AFDN: variants seen among roughly 807,000 people sequenced by gnomAD.
AFDN encodes afadin.
AFDN carries 68 observed loss-of-function variants against 216.6 expected under a neutral mutation model. The observed-to-expected ratio is 0.31, with a 90% CI of 0.26 to 0.38. AFDN has a LOEUF of 0.38. Ranked by LOEUF, AFDN falls within the 10% of genes least tolerant of loss-of-function variation. The pLI is 1.00. For synonymous variants in AFDN, 868 were observed against 853.7 expected (o/e 1.02, Z -0.29); for missense variants, 2,136 against 2,342.0 (o/e 0.91, Z 1.82).
intron 24 of AFDN, 50 bp from the exon 25 acceptor site, chr6:167,943,352 C>T (rs1184381908): frequency 1.9e-6 from 3 of 1,558,162 alleles, no homozygotes; most frequent in Admixed American, 1.7e-5. Flanking sequence ...TCCTCCCGCT[C>T]TCTTTGCTCT....
intron 1 of AFDN, among the ~76,000 whole-genome samples, chr6:167,840,676 G>A (rs897508266): frequency 1.3e-5 from 2 of 152,382 alleles, no homozygotes; most frequent in East Asian, 1.9e-4. Context: ...AGTACTATAT[G>A]TGTGTCTGTG....
chr6:167,864,436 T>C, intron 1 of AFDN, 115 bp from the exon 2 acceptor site: 1 of 997,466 alleles, frequency 1.0e-6, no homozygotes, highest in South Asian at 1.3e-5. Flanking sequence ...GTCTCAGATG[T>C]TTATGATGAA....
intron 6 of AFDN, among the ~76,000 whole-genome samples, chr6:167,882,872 G>T (rs1786308066): frequency 6.6e-6 from 1 of 152,036 alleles, no homozygotes; most frequent in Non-Finnish European, 1.5e-5. Flanking sequence ...GATTCAAGTT[G>T]CATATAAAGG....
intron 1 of AFDN, among the ~76,000 whole-genome samples, chr6:167,861,303 T>C (rs1174302585): frequency 1.3e-5 from 2 of 152,232 alleles, no homozygotes; most frequent in African/African-American, 4.8e-5. Context: ...TCAAACTAAA[T>C]TAATATTTAT....
chr6:167,846,860 T>C (rs1301659622), intron 1 of AFDN, among the ~76,000 whole-genome samples: 3 of 152,054 alleles, frequency 2.0e-5, no homozygotes, highest in African/African-American at 7.2e-5. Context: ...AAATCAAATA[T>C]TGTTTAATAT....
rs1009565652 is a variant in AFDN, at chr6:167,947,756, A to G, written c.3554-97A>G. On this transcript the variant is annotated intron_variant, in intron 27 of 33. Transcript: ENST00000683244. ...ATCTCTGTGCTGGATACTCACTAGC[A>G]GTATGAAGATGAATGAGGTCTTTAA... The G allele has an allele frequency of 1.6e-5, 11 of 698,654 alleles. No individual in the cohort carries two copies. The Admixed American group carries it at 2.8e-4, about 18-fold the overall frequency. 43.3% of individuals were successfully genotyped at this position (698,654 alleles called of 1,614,324 possible). A position where few individuals can be genotyped will look rare whatever the true frequency, so the allele number is the denominator to read the frequency against.
chr6:167,866,099 ATC>A (rs1187005085), intron 2 of AFDN, among the ~76,000 whole-genome samples: 1 of 152,134 alleles, frequency 6.6e-6, no homozygotes, highest in Non-Finnish European at 1.5e-5. Context: ...GAAGAATAAA[ATC>A]TCTCTCACTT....
intron 23 of AFDN, among the ~76,000 whole-genome samples, chr6:167,938,330 A>G (rs991766344): frequency 3.3e-5 from 5 of 152,186 alleles, no homozygotes; most frequent in African/African-American, 4.8e-5. Flanking sequence ...GCTGTGAATA[A>G]CTTATGCAGG....
chr6:167,928,525 A>G (rs189849913), intron 23 of AFDN, among the ~76,000 whole-genome samples: 28 of 152,352 alleles, frequency 1.8e-4, no homozygotes, highest in Admixed American at 2.6e-4. Context: ...TCCAGAAGGA[A>G]GATTCTGCCA....
intron 1 of AFDN, among the ~76,000 whole-genome samples, chr6:167,863,269 A>G (rs1783795929): frequency 1.3e-5 from 2 of 152,238 alleles, no homozygotes. Context: ...AAAATTCAAA[A>G]TAGTTCTGGT....
At chr6:167,842,380 A>G (rs1480765393) in intron 1 of AFDN, among the ~76,000 whole-genome samples, 1 of 151,776 alleles carries the variant, frequency 6.6e-6, no homozygotes. Flanking sequence ...ATGTTCTTCT[A>G]CTCATTCTCT....
At chr6:167,865,405 G>A (rs545385948) in intron 2 of AFDN, among the ~76,000 whole-genome samples, 4 of 152,032 alleles carry the variant, frequency 2.6e-5, no homozygotes, top group African/African-American at 9.6e-5. Context: ...GCTGAGGTGG[G>A]AAGATTGCTT....
At chr6:167,942,096 T>TTTGG (rs1562714110) in intron 23 of AFDN, among the ~76,000 whole-genome samples, 83 of 152,080 alleles carry the variant, frequency 5.5e-4, no homozygotes, top group East Asian at 1.2e-3. Context: ...GTTTGGTTTG[T>TTTGG]TTTTTCCCTG....
Position 167,943,425 on chromosome 6 carries a change from T to C in AFDN, c.3189T>C (p.Asp1063=). The part of the protein sequence containing the change: ...ADVDGRLAAG[D]QLLSVDGRSL... ...AGGATGGACGTCTAGCTGCAGGTGA[T>C]CAGCTCCTCAGTGTGGATGGACGAA... The change falls in exon 25 of 34, where the codon GAT becomes GAC. Residue 1063 remains aspartate, a synonymous_variant. Coordinates refer to ENST00000683244, the MANE Select transcript of AFDN (RefSeq NM_001386888.1). 6.2e-7 allele frequency: 1 copy of C among 1,614,158 alleles called. No homozygotes were observed. Among genetic ancestry groups the C allele is most frequent in the South Asian group, 1.1e-5 (1 of 91,084 alleles).
chr6:167,946,965 CACT>C, intron 27 of AFDN, 64 bp downstream of exon 27: 1 of 1,397,062 alleles, frequency 7.2e-7, no homozygotes. Context: ...TGAGAGGAGG[CACT>C]TTGTGGTTTG....
At chr6:167,832,194 T>C (rs772208954) in intron 1 of AFDN, among the ~76,000 whole-genome samples, 2 of 152,230 alleles carry the variant, frequency 1.3e-5, no homozygotes, top group African/African-American at 2.4e-5. Context: ...CTGAGCAGTG[T>C]GCCAAATCCC....
chr6:167,885,886 G>C (rs1006405969), intron 6 of AFDN, among the ~76,000 whole-genome samples: 1 of 152,156 alleles, frequency 6.6e-6, no homozygotes, highest in African/African-American at 2.4e-5. Flanking sequence ...AACAAAACCA[G>C]ATAACACAAT....
intron 23 of AFDN, among the ~76,000 whole-genome samples, chr6:167,933,489 T>A (rs1247281922): frequency 1.3e-5 from 2 of 152,192 alleles, no homozygotes; most frequent in African/African-American, 4.8e-5. Context: ...TATGACCATG[T>A]GGGAAACACC....
At chr6:167,847,256 C>CT (rs1384474077) in intron 1 of AFDN, among the ~76,000 whole-genome samples, 2 of 152,168 alleles carry the variant, frequency 1.3e-5, no homozygotes, top group African/African-American at 4.8e-5. Flanking sequence ...AATACACACT[C>CT]TTTTCTCCAC....
Sources: gnomAD v4.1 joint callset for allele counts (sites outside exome capture counted in the v4.1 genomes callset) on GRCh38, gnomAD v4.1.1 for gene constraint, MANE v1.5 for transcripts, NCBI Gene and HGNC (gene_info 2026-07-23, HGNC 2026-07-21) for gene names.